Variants in KLRG1 observed in about 807,000 individuals in gnomAD.
KLRG1 encodes killer cell lectin-like receptor subfamily G member 1.
KLRG1 carries 16 observed loss-of-function variants against 21.8 expected under a neutral mutation model. The observed-to-expected ratio is 0.73, with a 90% CI of 0.50 to 1.11. KLRG1 has a LOEUF of 1.11. KLRG1 is among the 50% of genes most tolerant of loss of function. The pLI, the probability that KLRG1 is intolerant of heterozygous loss-of-function variation, is 0.00. For synonymous variants in KLRG1, 69 were observed against 75.9 expected, an observed-to-expected ratio of 0.91 and a Z score of 0.47; for missense variants, 173 against 218.3, an observed-to-expected ratio of 0.79 and a Z score of 1.31.
At chr12:9,085,760 G>C in the KLRG1 span, among the ~76,000 whole-genome samples, 2 of 151,898 alleles carry the variant, frequency 1.3e-5, no homozygotes, top group Non-Finnish European at 2.9e-5. Context: ...AGCTAGGTTA[G>C]CTAAGAAAAA....
intron 1 of KLRG1, among the ~76,000 whole-genome samples, chr12:8,983,520 C>A (rs909159638): frequency 6.7e-6 from 1 of 149,654 alleles, no homozygotes; most frequent in African/African-American, 2.5e-5. Context: ...CCTGCTTCAG[C>A]CTCCAGAGTA....
chr12:9,183,393 C>G, the KLRG1 span, among the ~76,000 whole-genome samples: 2 of 133,780 alleles, frequency 1.5e-5, no homozygotes, highest in African/African-American at 5.3e-5. Flanking sequence ...ATGTTGTACA[C>G]CTTAAATAAA....
chr12:9,194,902 T>C, the KLRG1 span, among the ~76,000 whole-genome samples: 1 of 152,198 alleles, frequency 6.6e-6, no homozygotes, highest in Admixed American at 6.5e-5. Flanking sequence ...TGTTCTGAAC[T>C]CTACTAGCTA....
chr12:9,212,075 G>C, the KLRG1 span, among the ~76,000 whole-genome samples: 1 of 152,176 alleles, frequency 6.6e-6, no homozygotes, highest in East Asian at 1.9e-4. Flanking sequence ...CTGGGTCACT[G>C]GGTAGGTTCC....
chr12:9,125,259 A>G, the KLRG1 span, among the ~76,000 whole-genome samples: 18 of 152,316 alleles, frequency 1.2e-4, no homozygotes, highest in African/African-American at 4.3e-4. Flanking sequence ...CTGTTCTAAA[A>G]TTTAGTAAAG....
chr12:9,179,332 G>T, the KLRG1 span, among the ~76,000 whole-genome samples: 1 of 152,096 alleles, frequency 6.6e-6, no homozygotes, highest in Non-Finnish European at 1.5e-5. Flanking sequence ...TAAGGACAAG[G>T]ACTGTGATAT....
the KLRG1 span, among the ~76,000 whole-genome samples, chr12:9,190,507 G>T: frequency 6.6e-6 from 1 of 151,968 alleles, no homozygotes; most frequent in Non-Finnish European, 1.5e-5. Context: ...GGTGGAGGGC[G>T]GGAGGAGGGA....
At chr12:9,141,933 T>A in the KLRG1 span, among the ~76,000 whole-genome samples, 1 of 152,132 alleles carries the variant, frequency 6.6e-6, no homozygotes, top group East Asian at 1.9e-4. Flanking sequence ...CAGCTAAGAG[T>A]TATATGGCAT....
chr12:9,029,726 A>C, the KLRG1 span, among the ~76,000 whole-genome samples: 5 of 152,104 alleles, frequency 3.3e-5, no homozygotes, highest in South Asian at 2.1e-4. Context: ...GTATTTTCCC[A>C]AAATTTTTTT....
At chr12:8,998,968 G>A (rs747783522) in intron 3 of KLRG1, among the ~76,000 whole-genome samples, 4 of 152,062 alleles carry the variant, frequency 2.6e-5, no homozygotes, top group East Asian at 1.9e-4. Context: ...TGATCCTCTC[G>A]CCTTGGTCTC....
At chr12:9,203,873 A>G in the KLRG1 span, 12 of 1,614,092 alleles carry the variant, frequency 7.4e-6, no homozygotes, top group Non-Finnish European at 9.3e-6. Context: ...TCACTGTCTC[A>G]TTCAGGTGGC....
the KLRG1 span, among the ~76,000 whole-genome samples, chr12:9,031,139 G>A: frequency 1.5e-4 from 23 of 152,198 alleles, no homozygotes; most frequent in African/African-American, 5.3e-4. Flanking sequence ...AGGCACTCCT[G>A]TGAGGCCCCT....
chr12:8,994,755 A>G (rs1362087749), intron 2 of KLRG1, among the ~76,000 whole-genome samples: 1 of 152,248 alleles, frequency 6.6e-6, no homozygotes, highest in Non-Finnish European at 1.5e-5. Context: ...GATGCATATC[A>G]TATGAATTCA....
chr12:9,145,941 C>T, the KLRG1 span, among the ~76,000 whole-genome samples: 3 of 152,104 alleles, frequency 2.0e-5, no homozygotes, highest in African/African-American at 4.8e-5. Flanking sequence ...TCTTACAAGT[C>T]ACTGTTCTCT....
chr12:9,164,097 G>A, the KLRG1 span: 1 of 1,584,700 alleles, frequency 6.3e-7, no homozygotes, highest in South Asian at 1.1e-5. Context: ...CACCGTCCTT[G>A]TTGATTGATA....
the KLRG1 span, among the ~76,000 whole-genome samples, chr12:9,079,018 G>C: frequency 6.6e-6 from 1 of 151,570 alleles, no homozygotes; most frequent in Non-Finnish European, 1.5e-5. Flanking sequence ...AGAAAACCTT[G>C]GTACATTATT....
the KLRG1 span, among the ~76,000 whole-genome samples, chr12:9,027,220 G>T: frequency 1.3e-5 from 2 of 149,892 alleles, no homozygotes; most frequent in Non-Finnish European, 1.5e-5. Context: ...TCAGCCTCAC[G>T]ATCAGACTAT....
the KLRG1 span, among the ~76,000 whole-genome samples, chr12:9,105,877 T>C: frequency 6.6e-6 from 1 of 152,178 alleles, no homozygotes; most frequent in Non-Finnish European, 1.5e-5. Context: ...CTGGTCAGCA[T>C]GAATTTTGAG....
At chr12:8,989,856 G>A (rs1321991654) in intron 1 of KLRG1, 139 bp downstream of exon 1, 1 of 596,812 alleles carries the variant, frequency 1.7e-6, no homozygotes, top group African/African-American at 1.9e-5. Flanking sequence ...TCAGTTTAAA[G>A]TCCAGAGTTG....
Sources: gnomAD v4.1 joint callset for allele counts (sites outside exome capture counted in the v4.1 genomes callset) on GRCh38, gnomAD v4.1.1 for gene constraint, MANE v1.5 for transcripts, NCBI Gene and HGNC (gene_info 2026-07-23, HGNC 2026-07-21) for gene names.